RNF150: variants seen among roughly 807,000 people sequenced by gnomAD.
RNF150 encodes the protein ring finger protein 150.
Under a neutral mutation model 39.3 loss-of-function variants are expected in RNF150, and 24 were observed. The observed-to-expected ratio is 0.61, with a 90% CI of 0.44 to 0.86. The LOEUF (loss-of-function observed/expected upper bound fraction) is 0.86. Among genes scored for constraint, RNF150 ranks in the 40% least tolerant of loss-of-function variants. The pLI is 0.00. For missense variants in RNF150, 502 were observed against 587.8 expected (o/e 0.85, Z 1.51); for synonymous variants, 255 against 227.3 (o/e 1.12, Z -1.10).
Position 140,862,447 on chromosome 4 carries a change from C to T in RNF150, c.*5814G>A, listed in dbSNP as rs1427436277. 6.6e-6 allele frequency: 1 copy of T among 151,950 alleles called. No homozygotes were observed. The highest frequency in any genetic ancestry group is 2.4e-5 in the African/African-American group (1 of 41,236). The allele number at this position is 151,950 out of a possible 1,614,324, so 9.4% of individuals were successfully genotyped here. On this transcript the variant is annotated 3_prime_UTR_variant, in exon 7 of 7. Transcript: ENST00000515673. ...CTGACCTTAGCAGGTTCTTGTAGAA[C>T]AAGCAGGATTGCAATCAAATTGCTC...
intron 1 of RNF150, among the ~76,000 whole-genome samples, chr4:141,138,646 G>C (rs1454658290): frequency 6.6e-6 from 1 of 152,176 alleles, no homozygotes; most frequent in Non-Finnish European, 1.5e-5. Flanking sequence ...GTGCTGTAGT[G>C]GTGGAGTTGG....
At chr4:140,968,326 C>T (rs1168325945) in intron 1 of RNF150, among the ~76,000 whole-genome samples, 1 of 151,826 alleles carries the variant, frequency 6.6e-6, no homozygotes, top group African/African-American at 2.4e-5. Context: ...GCTCTCTCTC[C>T]CCCACACAAA....
chr4:140,935,425 C>T lies in RNF150; in HGVS notation c.891-9352G>A, dbSNP rs143545148. ...CAGCAAAGCTAGTTGGCATTCATCCCGTGTGTCTACTTGATTAATATAACT... is the reference window on the plus strand; with the variant it reads ...CAGCAAAGCTAGTTGGCATTCATCCTGTGTGTCTACTTGATTAATATAACT... On this transcript the variant is annotated intron_variant, in intron 4 of 6. Coordinates refer to ENST00000515673, the MANE Select transcript of RNF150 (RefSeq NM_020724.2). Among the ~76,000 whole-genome samples the T allele has an allele frequency of 1.8e-4, 27 of 151,956 alleles. No individual in the cohort carries two copies. The East Asian group carries it at 3.3e-3, about 19-fold the overall frequency.
intron 6 of RNF150, among the ~76,000 whole-genome samples, chr4:140,885,435 C>CT (rs1309319458): frequency 0.066 from 7,593 of 114,354 alleles, 849 homozygotes; most frequent in African/African-American, 0.2. Flanking sequence ...GTACATATAT[C>CT]TTTTTTTTTT....
intron 1 of RNF150, among the ~76,000 whole-genome samples, chr4:141,143,112 C>T (rs1161072486): frequency 6.6e-6 from 1 of 152,152 alleles, no homozygotes; most frequent in Non-Finnish European, 1.5e-5. Context: ...TCAGGCTATC[C>T]TCCCTCCTTG....
chr4:140,951,927 A>AC (rs1000233761), intron 2 of RNF150, among the ~76,000 whole-genome samples: 1 of 151,368 alleles, frequency 6.6e-6, no homozygotes, highest in African/African-American at 2.5e-5. Flanking sequence ...ACTTAAAAAA[A>AC]TTTTTTTTGA....
intron 1 of RNF150, among the ~76,000 whole-genome samples, chr4:141,060,949 G>A (rs149642517): frequency 2.6e-5 from 4 of 152,084 alleles, no homozygotes; most frequent in African/African-American, 7.2e-5. Context: ...AAGAACACAT[G>A]GACACAGGGA....
chr4:141,093,427 T>C (rs1455133321), intron 1 of RNF150, among the ~76,000 whole-genome samples: 1 of 150,530 alleles, frequency 6.6e-6, no homozygotes, highest in Non-Finnish European at 1.5e-5. Context: ...GCAGGGCTGC[T>C]CTGAAATAGA....
rs202143950 is a variant in RNF150 at position 141,112,333 on chromosome 4, C to T, written c.484+19992G>A. On this transcript the variant is annotated intron_variant, in intron 1 of 6. Transcript: ENST00000515673. ...TTTCTTCATAATATCGATGGTCTTA[C>T]AATTTGGTATGTTTTTGCAGTGGCT... Among the ~76,000 whole-genome samples the T allele has an allele frequency of 3.4e-3, 505 of 149,034 alleles. 7 individuals are homozygous for T. The East Asian group carries it at 0.057, about 17-fold the overall frequency.
chr4:141,009,416 A>G (rs1734991051), intron 1 of RNF150, among the ~76,000 whole-genome samples: 2 of 152,186 alleles, frequency 1.3e-5, no homozygotes, highest in Non-Finnish European at 2.9e-5. Context: ...TAGGCAAACT[A>G]TTTAACCTCC....
intron 1 of RNF150, among the ~76,000 whole-genome samples, chr4:141,088,122 T>C (rs1384361814): frequency 6.6e-6 from 1 of 152,172 alleles, no homozygotes; most frequent in East Asian, 1.9e-4. Context: ...TAAACTGAGA[T>C]GTCAAAAACT....
intron 6 of RNF150, among the ~76,000 whole-genome samples, chr4:140,901,968 G>A (rs1260627748): frequency 6.6e-6 from 1 of 152,196 alleles, no homozygotes; most frequent in Non-Finnish European, 1.5e-5. Context: ...AAGAGGCAGG[G>A]AGAAAGATGC....
intron 1 of RNF150, among the ~76,000 whole-genome samples, chr4:141,094,377 T>A (rs143421248): frequency 1.3e-5 from 2 of 152,302 alleles, no homozygotes; most frequent in East Asian, 3.9e-4. Flanking sequence ...ACAGCAACAG[T>A]GGAAGCTGAA....
intron 1 of RNF150, among the ~76,000 whole-genome samples, chr4:141,019,867 G>T (rs981867201): frequency 6.6e-6 from 1 of 152,106 alleles, no homozygotes; most frequent in Non-Finnish European, 1.5e-5. Flanking sequence ...AGCAGTTTTT[G>T]GTGAGGATCT....
At chr4:141,178,359 C>T (rs559420464) in intron 1 of RNF150, among the ~76,000 whole-genome samples, 143 of 152,222 alleles carry the variant, frequency 9.4e-4, no homozygotes, top group Admixed American at 1.5e-3. Flanking sequence ...AGTCTTTTTA[C>T]ATGCCTTGTG....
At chr4:141,004,225 T>C (rs1289999999) in intron 1 of RNF150, among the ~76,000 whole-genome samples, 4 of 142,778 alleles carry the variant, frequency 2.8e-5, no homozygotes, top group African/African-American at 7.8e-5. Context: ...AGAACAGATG[T>C]TAGTAAAAAA....
At chr4:141,119,344 C>G (rs893035248) in intron 1 of RNF150, among the ~76,000 whole-genome samples, 32 of 152,194 alleles carry the variant, frequency 2.1e-4, no homozygotes, top group Non-Finnish European at 1.2e-4. Context: ...GAGACAGATT[C>G]ATACAACACA....
At chr4:141,057,399 T>C (rs1737023756) in intron 1 of RNF150, among the ~76,000 whole-genome samples, 2 of 152,114 alleles carry the variant, frequency 1.3e-5, no homozygotes, top group South Asian at 4.1e-4. Context: ...TTCATGGTGT[T>C]ACTTCTTTTA....
intron 6 of RNF150, among the ~76,000 whole-genome samples, chr4:140,897,162 G>GT (rs1729992434): frequency 1.3e-5 from 2 of 152,168 alleles, no homozygotes; most frequent in South Asian, 4.1e-4. Flanking sequence ...TCAAGGCAGA[G>GT]TAAACAAGAA....
Sources: allele counts gnomAD v4.1 joint callset (sites outside exome capture counted in the v4.1 genomes callset), GRCh38; gene constraint gnomAD v4.1.1; transcripts MANE v1.5; gene names NCBI Gene and HGNC (gene_info 2026-07-23, HGNC 2026-07-21).